NUP153: variants seen among roughly 807,000 people sequenced by gnomAD.
NUP153 encodes nucleoporin 153, also known as nuclear pore complex protein Nup153.
A neutral mutation model predicts 134.6 loss-of-function variants in NUP153; 27 were observed. That is an observed-to-expected ratio of 0.20 (90% CI 0.15 to 0.28). The LOEUF is 0.28. Ranked by LOEUF, NUP153 falls within the 10% of genes least tolerant of loss-of-function variation. The pLI is 1.00. For missense variants in NUP153, 1,821 were observed against 1,731.3 expected, an observed-to-expected ratio of 1.05 and a Z score of -0.92; for synonymous variants, 640 against 623.5, an observed-to-expected ratio of 1.03 and a Z score of -0.40.
At chr6:17,627,037 C>T (rs1764983142) in intron 18 of NUP153, among the ~76,000 whole-genome samples, 1 of 152,158 alleles carries the variant, frequency 6.6e-6, no homozygotes, top group Admixed American at 6.6e-5. Flanking sequence ...ATTCTGAATC[C>T]AGCCACCTTA....
At chr6:17,644,035 G>T (rs1287744659) in intron 14 of NUP153, among the ~76,000 whole-genome samples, 1 of 151,780 alleles carries the variant, frequency 6.6e-6, no homozygotes, top group Non-Finnish European at 1.5e-5. Context: ...TATTACGTAA[G>T]GCTGTGTTAG....
chr6:17,643,225 C>A (rs1026133661), intron 14 of NUP153, among the ~76,000 whole-genome samples: 2 of 152,366 alleles, frequency 1.3e-5, no homozygotes, highest in Admixed American at 1.3e-4. Flanking sequence ...GTAATCCCAG[C>A]ACTCTGAGAC....
At chr6:17,618,761 T>C (rs547504037) in intron 20 of NUP153, among the ~76,000 whole-genome samples, 9 of 152,148 alleles carry the variant, frequency 5.9e-5, no homozygotes, top group African/African-American at 1.7e-4. Flanking sequence ...AGAGATGGGG[T>C]TTCACCGTGT....
Position 17,637,401 on chromosome 6 carries a change from G to A in NUP153, c.2216C>T (p.Ala739Val), listed in dbSNP as rs565657594. Residue 739 changes from alanine to valine, a missense_variant, in exon 16 of 22, where the codon GCA becomes GTA. Ala to Val is a moderately conservative substitution (Grantham distance 64, BLOSUM62 0). Transcript: ENST00000262077. ...DTCLVQNKPE[A>V]IKCVACETPK... ...TGTTTCACAGGCTACACATTTTATT[G>A]CTTCAGGTTTATTTTGCACTAAACA... 3.1e-6 allele frequency: 5 copies of A among 1,614,156 alleles called. No homozygotes were observed. Among genetic ancestry groups the A allele is most frequent in the East Asian group, 2.2e-5 (1 of 44,884 alleles).
intron 1 of NUP153, among the ~76,000 whole-genome samples, chr6:17,694,994 G>A (rs1206187719): frequency 7.3e-6 from 1 of 137,564 alleles, no homozygotes; most frequent in Non-Finnish European, 1.6e-5. Context: ...AAAAAAAAAA[G>A]AGAGAGTGGG....
At chr6:17,635,924 C>T (rs1765524587) in intron 16 of NUP153, among the ~76,000 whole-genome samples, 1 of 152,224 alleles carries the variant, frequency 6.6e-6, no homozygotes, top group Non-Finnish European at 1.5e-5. Flanking sequence ...CTTCCTGACT[C>T]AAAGTTTTGT....
intron 16 of NUP153, among the ~76,000 whole-genome samples, chr6:17,636,348 A>G (rs890360048): frequency 9.9e-5 from 15 of 152,012 alleles, no homozygotes; most frequent in African/African-American, 3.1e-4. Flanking sequence ...AAAAAAAAAA[A>G]AAAGGAATGA....
At chr6:17,634,865 G>A (rs1390946805) in intron 16 of NUP153, among the ~76,000 whole-genome samples, 1 of 151,866 alleles carries the variant, frequency 6.6e-6, no homozygotes, top group Non-Finnish European at 1.5e-5. Flanking sequence ...AGGCGGGGGT[G>A]GTCCAATCTT....
In NUP153 at chr6:17,669,342, T is replaced by TAA; in HGVS notation, c.970-7_970-6dup. Reference sequence around the variant, plus strand: ...GGATGGAATTCTTTTTGCATCCTGTTAAAGTTGAAAAAATAACAAAATTAA... The same window carrying TAA: ...GGATGGAATTCTTTTTGCATCCTGTTAAAAAGTTGAAAAAATAACAAAATTAA... On this transcript the variant is annotated splice_polypyrimidine_tract_variant and splice_region_variant and intron_variant, in intron 6 of 21. Coordinates refer to ENST00000262077, the MANE Select transcript of NUP153 (RefSeq NM_005124.4). The TAA allele has an allele frequency of 6.2e-7, 1 of 1,609,248 alleles. No individual in the cohort carries two copies. Among genetic ancestry groups the TAA allele is most frequent in the Admixed American group, 1.7e-5 (1 of 59,982 alleles).
rs753890229 is a variant in NUP153, at chr6:17,675,499, G to A, written c.583+23C>T. The A allele has an allele frequency of 1.9e-6, 3 of 1,612,058 alleles. No homozygotes were observed. Among genetic ancestry groups the A allele is most frequent in the South Asian group, 1.1e-5 (1 of 90,918 alleles). ...AATTTAATGTTACTACCCAAATTAT[G>A]TACTACCACATGTCAAGAATACCTT... is the stretch of plus-strand genomic sequence containing the variant. On this transcript the variant is annotated intron_variant, in intron 3 of 21. Transcript: ENST00000262077. This position sits in a 1 kb window ranked among gnomAD's most constrained non-coding sequence, Gnocchi z 4.4.
intron 9 of NUP153, among the ~76,000 whole-genome samples, chr6:17,664,804 G>C (rs1490985634): frequency 1.3e-5 from 2 of 152,074 alleles, no homozygotes; most frequent in African/African-American, 2.4e-5. Context: ...TGTAATCCCA[G>C]CACTTTGGGA....
chr6:17,628,552 T>C lies in NUP153; in HGVS notation c.3544+103A>G, dbSNP rs1349439470. The C allele has an allele frequency of 7.4e-6, 4 of 538,868 alleles. No homozygotes were observed. The African/African-American group carries it at 7.8e-5, about 11-fold the overall frequency. 33.4% of individuals were successfully genotyped at this position (538,868 alleles called of 1,614,324 possible). Reference sequence around the variant, plus strand: ...TTCTGTATTTCTCAACTATGTTCAGTGTAAACCATTAATTGACTTGCTGCA... The same window carrying C: ...TTCTGTATTTCTCAACTATGTTCAGCGTAAACCATTAATTGACTTGCTGCA... On this transcript the variant is annotated intron_variant, in intron 18 of 21. Transcript: ENST00000262077. The surrounding 1 kb of genome is among the most constrained non-coding windows in gnomAD (Gnocchi z 5.4).
chr6:17,633,148 G>GA (rs57742703), intron 16 of NUP153, among the ~76,000 whole-genome samples: 3 of 152,036 alleles, frequency 2.0e-5, no homozygotes, highest in Middle Eastern at 3.4e-3. Flanking sequence ...TGTGGTTTAA[G>GA]AAAAAAAATC....
intron 11 of NUP153, among the ~76,000 whole-genome samples, chr6:17,656,588 G>A (rs1474674173): frequency 2.0e-5 from 3 of 152,074 alleles, no homozygotes; most frequent in Non-Finnish European, 2.9e-5. Context: ...TGTTGCTCAG[G>A]CTAATCTCAA....
intron 11 of NUP153, among the ~76,000 whole-genome samples, chr6:17,660,670 A>G (rs1365895835): frequency 6.6e-6 from 1 of 152,134 alleles, no homozygotes; most frequent in East Asian, 1.9e-4. Flanking sequence ...TCCAAAAAAC[A>G]CACAAAAGGA....
At chr6:17,640,574 T>C (rs953428912) in intron 14 of NUP153, among the ~76,000 whole-genome samples, 2 of 152,214 alleles carry the variant, frequency 1.3e-5, no homozygotes, top group African/African-American at 4.8e-5. Context: ...TTACATAAAT[T>C]ACATAACAGT....
At chr6:17,681,616 G>A (rs1271490313) in intron 2 of NUP153, among the ~76,000 whole-genome samples, 1 of 152,022 alleles carries the variant, frequency 6.6e-6, no homozygotes, top group Non-Finnish European at 1.5e-5. Context: ...CAGAGATACT[G>A]TCTGGGGTTT....
chr6:17,654,099 C>T (rs1766664231), intron 11 of NUP153, among the ~76,000 whole-genome samples: 1 of 152,174 alleles, frequency 6.6e-6, no homozygotes, highest in African/African-American at 2.4e-5. Context: ...GTATACGCTG[C>T]ACAGTTCTTT....
chr6:17,617,576 C>G (rs1426110897), intron 20 of NUP153, among the ~76,000 whole-genome samples: 1 of 151,732 alleles, frequency 6.6e-6, no homozygotes, highest in Non-Finnish European at 1.5e-5. Context: ...GGTGCAGTGA[C>G]TCATGCGTAT....
Sources: allele counts gnomAD v4.1 joint callset (sites outside exome capture counted in the v4.1 genomes callset), GRCh38; gene constraint gnomAD v4.1.1; non-coding constraint Gnocchi (gnomAD v3.1); transcripts MANE v1.5; gene names NCBI Gene and HGNC (gene_info 2026-07-23, HGNC 2026-07-21).